The following MARCHF1 variants were observed in gnomAD, a reference collection of about 807,000 sequenced individuals.
The protein encoded by MARCHF1 is membrane associated ring-CH-type finger 1.
A neutral mutation model predicts 54.2 loss-of-function variants in MARCHF1; 40 were observed. The observed-to-expected ratio is 0.74, with a 90% CI of 0.57 to 0.96. MARCHF1 has a LOEUF of 0.96. Among genes scored for constraint, MARCHF1 ranks in the 40% least tolerant of loss-of-function variants. The pLI is 0.00. For missense variants in MARCHF1, 586 were observed against 656.5 expected, an observed-to-expected ratio of 0.89 and a Z score of 1.17; for synonymous variants, 236 against 236.3, an observed-to-expected ratio of 1.00 and a Z score of 0.01.
At chr4:163,765,089 G>A (rs1385930909) in intron 4 of MARCHF1, among the ~76,000 whole-genome samples, 6 of 152,100 alleles carry the variant, frequency 3.9e-5, no homozygotes, top group Middle Eastern at 6.8e-3. Flanking sequence ...CATCTAATGA[G>A]GTTACATGGG....
intron 4 of MARCHF1, among the ~76,000 whole-genome samples, chr4:163,842,782 T>A (rs1043445902): frequency 6.6e-6 from 1 of 152,192 alleles, no homozygotes; most frequent in Non-Finnish European, 1.5e-5. Context: ...CTTTGTTTCA[T>A]TCCCAAAGAA....
chr4:164,336,941 C>A (rs989906992), intron 1 of MARCHF1, among the ~76,000 whole-genome samples: 1 of 149,564 alleles, frequency 6.7e-6, no homozygotes, highest in Non-Finnish European at 1.5e-5. Flanking sequence ...TAACTTCCAA[C>A]AGGAATTAGC....
At chr4:164,327,137 A>C (rs556085550) in intron 1 of MARCHF1, among the ~76,000 whole-genome samples, 81 of 152,306 alleles carry the variant, frequency 5.3e-4, no homozygotes, top group African/African-American at 1.9e-3. Flanking sequence ...CTAGAATAAA[A>C]ATAGTAATCA....
At chr4:164,079,596 T>G (rs1755053458) in intron 2 of MARCHF1, among the ~76,000 whole-genome samples, 1 of 152,152 alleles carries the variant, frequency 6.6e-6, no homozygotes, top group South Asian at 2.1e-4. Context: ...ACTTCTAACT[T>G]CTAACTGCTG....
chr4:163,994,061 C>G (rs1011766724), intron 2 of MARCHF1, among the ~76,000 whole-genome samples: 3 of 152,042 alleles, frequency 2.0e-5, no homozygotes, highest in African/African-American at 7.2e-5. Flanking sequence ...ATTAGTAAAT[C>G]TAGCTGAACA....
chr4:163,589,644 T>A (rs1256523780), intron 7 of MARCHF1, among the ~76,000 whole-genome samples: 1 of 152,026 alleles, frequency 6.6e-6, no homozygotes, highest in Non-Finnish European at 1.5e-5. Context: ...TTCACACAAA[T>A]CACAATCGCT....
chr4:163,554,310 T>G (rs1739213854), intron 8 of MARCHF1, among the ~76,000 whole-genome samples: 1 of 152,180 alleles, frequency 6.6e-6, no homozygotes, highest in Non-Finnish European at 1.5e-5. Context: ...GCTGGATGCA[T>G]GAGAGAGGTG....
chr4:164,019,933 T>G (rs1753626115), intron 2 of MARCHF1, among the ~76,000 whole-genome samples: 1 of 152,018 alleles, frequency 6.6e-6, no homozygotes, highest in South Asian at 2.1e-4. Flanking sequence ...CGGGAAAGAG[T>G]AGAACCATGA....
intron 1 of MARCHF1, among the ~76,000 whole-genome samples, chr4:164,254,694 T>A (rs956968781): frequency 6.8e-6 from 1 of 148,132 alleles, no homozygotes; most frequent in Non-Finnish European, 1.5e-5. Context: ...TGGAGTCCGA[T>A]ATTCAAGGGC....
At chr4:164,295,540 A>G (rs1050380579) in intron 1 of MARCHF1, among the ~76,000 whole-genome samples, 3 of 152,174 alleles carry the variant, frequency 2.0e-5, no homozygotes, top group Admixed American at 6.6e-5. Flanking sequence ...TGGAAGAATT[A>G]AATCACAAGA....
At chr4:163,569,588 CTTA>C (rs957077287) in intron 8 of MARCHF1, among the ~76,000 whole-genome samples, 50 of 1,896 alleles carry the variant, frequency 0.026, no homozygotes, top group Non-Finnish European at 0.04. Context: ...GGTACATACT[CTTA>C]TTATCCCCGT....
At chr4:164,351,720 G>A (rs923821036) in intron 1 of MARCHF1, among the ~76,000 whole-genome samples, 2 of 152,062 alleles carry the variant, frequency 1.3e-5, no homozygotes, top group Non-Finnish European at 2.9e-5. Context: ...GCCTCCAAAG[G>A]AACGCAGTTT....
At chr4:164,351,181 G>C (rs969381578) in intron 1 of MARCHF1, among the ~76,000 whole-genome samples, 14 of 151,674 alleles carry the variant, frequency 9.2e-5, no homozygotes, top group Admixed American at 8.5e-4. Flanking sequence ...AGCGAGGCTG[G>C]GGTAGGGGCG....
chr4:163,547,008 T>C (rs1270914355), intron 8 of MARCHF1, among the ~76,000 whole-genome samples: 2 of 152,212 alleles, frequency 1.3e-5, no homozygotes, highest in African/African-American at 4.8e-5. Flanking sequence ...TTTAATAATC[T>C]AGGATTCTTT....
At chr4:164,236,653 T>G (rs1038956848) in intron 1 of MARCHF1, among the ~76,000 whole-genome samples, 2 of 152,130 alleles carry the variant, frequency 1.3e-5, no homozygotes, top group Non-Finnish European at 2.9e-5. Flanking sequence ...TTTGCCACAC[T>G]GCACATGTCT....
At chr4:164,253,115 A>G (rs568108359) in intron 1 of MARCHF1, among the ~76,000 whole-genome samples, 1 of 152,254 alleles carries the variant, frequency 6.6e-6, no homozygotes, top group African/African-American at 2.4e-5. Context: ...ACATCCAAAA[A>G]CATTCAAATA....
intron 1 of MARCHF1, among the ~76,000 whole-genome samples, chr4:164,232,107 G>A (rs1161469884): frequency 1.3e-5 from 2 of 152,060 alleles, no homozygotes; most frequent in Admixed American, 6.6e-5. Flanking sequence ...AGCTTGATTA[G>A]TTCACAAAGA....
At chr4:163,999,658 TTATTG>T (rs1223008492) in intron 2 of MARCHF1, among the ~76,000 whole-genome samples, 6 of 151,630 alleles carry the variant, frequency 4.0e-5, no homozygotes, top group African/African-American at 1.4e-4. Flanking sequence ...TAAATTTGAA[TTATTG>T]TATTGAAGAA....
At chr4:163,646,616 G>T (rs1742769038) in intron 5 of MARCHF1, among the ~76,000 whole-genome samples, 1 of 151,982 alleles carries the variant, frequency 6.6e-6, no homozygotes. Flanking sequence ...TGTAAATTGT[G>T]ATATCAAAAA....
Sources: gnomAD v4.1 joint callset for allele counts (sites outside exome capture counted in the v4.1 genomes callset) on GRCh38, gnomAD v4.1.1 for gene constraint, MANE v1.5 for transcripts, NCBI Gene and HGNC (gene_info 2026-07-23, HGNC 2026-07-21) for gene names.